The following KCNK12 variants were observed in gnomAD, a reference collection of about 807,000 sequenced individuals.
The protein encoded by KCNK12 is potassium two pore domain channel subfamily K member 12.
Under a neutral mutation model 25.3 loss-of-function variants are expected in KCNK12, and 6 were observed. That is an observed-to-expected ratio of 0.24 (90% CI 0.13 to 0.47). The LOEUF is 0.47. KCNK12 is among the 20% of genes least tolerant of loss of function. KCNK12 has a pLI of 0.99. For missense variants in KCNK12, 444 were observed against 661.7 expected (o/e 0.67, Z 3.61); for synonymous variants, 331 against 311.1 (o/e 1.06, Z -0.67).
At chr2:47,531,263 A>C (rs1339302103) in intron 1 of KCNK12, among the ~76,000 whole-genome samples, 2 of 152,254 alleles carry the variant, frequency 1.3e-5, no homozygotes, top group African/African-American at 4.8e-5. Context: ...GCTTGAGCCC[A>C]GGAGTTCAAG....
rs1006679008 is a variant in KCNK12 at position 47,528,200 on chromosome 2, A to C, written c.392-6392T>G. 2.0e-5 allele frequency: 3 copies of C among 152,322 alleles called. No homozygotes were observed. The highest frequency in any genetic ancestry group is 4.4e-5 in the Non-Finnish European group (3 of 68,120). The allele number at this position is 152,322 out of a possible 1,614,324, so 9.4% of individuals were successfully genotyped here. On this transcript the variant is annotated intron_variant, in intron 1 of 1. Coordinates refer to ENST00000327876, the MANE Select transcript of KCNK12 (RefSeq NM_022055.2). The surrounding 1 kb of genome is among the most constrained non-coding windows in gnomAD (Gnocchi z 4.5). ...AGAATGAAGGGACAGGTGAGGCAGA[A>C]GGGTCTCCGACAGCGCACAGGGCAA...
rs970544641 is a variant in KCNK12, at chr2:47,539,811, C to A, written c.392-18003G>T. 2.0e-5 allele frequency among the ~76,000 whole-genome samples: 3 copies of A among 152,240 alleles called. No individual in the cohort carries two copies. In the East Asian group the frequency reaches 5.8e-4, roughly 29 times the overall value. On this transcript the variant is annotated intron_variant, in intron 1 of 1. Transcript: ENST00000327876. ...TGTTAAAGCCGCTTCCCGGGGAGGCCAAGGACATCCACAGCTGAAGTGCTC... is the reference window on the plus strand; with the variant it reads ...TGTTAAAGCCGCTTCCCGGGGAGGCAAAGGACATCCACAGCTGAAGTGCTC...
chr2:47,570,037 C>T lies in KCNK12; in HGVS notation c.295G>A (p.Ala99Thr), dbSNP rs113677367. 4 of 1,419,734 alleles carry T rather than the reference C, an allele frequency of 2.8e-6. No individual in the cohort carries two copies. Among genetic ancestry groups the T allele is most frequent in the Non-Finnish European group, 2.8e-6 (3 of 1,087,086 alleles). The allele number at this position is 1,419,734 out of a possible 1,614,324, so 87.9% of individuals were successfully genotyped here. A position where few individuals can be genotyped will look rare whatever the true frequency, so the allele number is the denominator to read the frequency against. Residue 99 changes from alanine to threonine, a missense_variant, in exon 1 of 2, where the codon GCC becomes ACC. This residue lies in a region of KCNK12 where 106 missense variants were observed against 142.2 expected (regional missense o/e 0.75). Transcript: ENST00000327876. Reference sequence around the variant, plus strand: ...GCGCGGACGCCGGCGGCCAGCGCGGCCTCGTAGTGCCGGAGGAAGGCGCGC... The same window carrying T: ...GCGCGGACGCCGGCGGCCAGCGCGGTCTCGTAGTGCCGGAGGAAGGCGCGC... ...ELRAFLRHYE[A>T]ALAAGVRADA...
rs1669857067 is a variant in KCNK12 at position 47,570,032 on chromosome 2, C to A, written c.300G>T (p.Ala100=). ...CGTCGGCGCGGACGCCGGCGGCCAG[C>A]GCGGCCTCGTAGTGCCGGAGGAAGG... ...LRAFLRHYEA[A]LAAGVRADAL... The change falls in exon 1 of 2, where the codon GCG becomes GCT. Residue 100 remains alanine, a synonymous_variant. Transcript: ENST00000327876. The A allele has an allele frequency of 7.0e-7, 1 of 1,421,454 alleles. No individual in the cohort carries two copies. Among genetic ancestry groups the A allele is most frequent in the Non-Finnish European group, 9.2e-7 (1 of 1,087,860 alleles). 88.1% of individuals were successfully genotyped at this position (1,421,454 alleles called of 1,614,324 possible). A position where few individuals can be genotyped will look rare whatever the true frequency, so the allele number is the denominator to read the frequency against.
rs961571997 is a variant in KCNK12 at position 47,555,037 on chromosome 2, G to T, written c.391+14904C>A. Among the ~76,000 whole-genome samples the T allele has an allele frequency of 6.6e-6, 1 of 152,162 alleles. No homozygotes were observed. The highest frequency in any genetic ancestry group is 1.5e-5 in the Non-Finnish European group (1 of 68,028). On this transcript the variant is annotated intron_variant, in intron 1 of 1. Transcript: ENST00000327876. This position sits in a 1 kb window ranked among gnomAD's most constrained non-coding sequence, Gnocchi z 4.5. ...CAAGGAGCAGGAACAGCTTGTGAGG[G>T]GAACAGTCAAGAGTGGGATATAGCA...
rs2104900740 is a variant in KCNK12, at chr2:47,566,013, T to C, written c.391+3928A>G. 6.6e-6 allele frequency: 1 copy of C among 152,346 alleles called. No homozygotes were observed. The highest frequency in any genetic ancestry group is 3.4e-3 in the Middle Eastern group (1 of 294). 9.4% of individuals were successfully genotyped at this position (152,346 alleles called of 1,614,324 possible). A position where few individuals can be genotyped will look rare whatever the true frequency, so the allele number is the denominator to read the frequency against. On this transcript the variant is annotated intron_variant, in intron 1 of 1. Coordinates refer to ENST00000327876, the MANE Select transcript of KCNK12 (RefSeq NM_022055.2). This position sits in a 1 kb window ranked among gnomAD's most constrained non-coding sequence, Gnocchi z 4.1. ...CAGGGAATATGTCACATAGCATAAA[T>C]GGGAGAAATAATAATTACCCAGGAT...
chr2:47,545,738 GA>G (rs1351033371), intron 1 of KCNK12, among the ~76,000 whole-genome samples: 3 of 152,206 alleles, frequency 2.0e-5, no homozygotes, highest in Non-Finnish European at 2.9e-5. Context: ...GATTAAATGA[GA>G]AGAAGTGTGT....
At position 47,562,042 on chromosome 2, in the gene KCNK12, G is replaced by C. The variant is rs1023156561; in HGVS notation, c.391+7899C>G. On this transcript the variant is annotated intron_variant, in intron 1 of 1. Transcript: ENST00000327876. The surrounding 1 kb of genome is among the most constrained non-coding windows in gnomAD (Gnocchi z 4.8). ...ACGCAGCCAGTTAGTGGCAGAGCCA[G>C]GTCTAGACTCCTAGTGCCTGACTCA... The C allele has an allele frequency of 1.3e-5, 5 of 398,492 alleles. No homozygotes were observed. In the Admixed American group the frequency reaches 1.3e-4, roughly 11 times the overall value. 24.7% of individuals were successfully genotyped at this position (398,492 alleles called of 1,614,324 possible). A position where few individuals can be genotyped will look rare whatever the true frequency, so the allele number is the denominator to read the frequency against.
Position 47,570,200 on chromosome 2 carries a change from C to T in KCNK12, c.132G>A (p.Ala44=). 3 of 1,497,812 alleles carry T rather than the reference C, an allele frequency of 2.0e-6. No homozygotes were observed. Among genetic ancestry groups the T allele is most frequent in the Non-Finnish European group, 2.7e-6 (3 of 1,128,100 alleles). The allele number at this position is 1,497,812 out of a possible 1,614,324, so 92.8% of individuals were successfully genotyped here. ...EDTGRFVLLA[A]LIGLYLVAGA... The stretch of plus-strand genomic sequence containing the variant: ...CCGCCACCAGGTAGAGGCCGATGAG[C>T]GCCGCCAGCAGCACGAAGCGGCCGG... Residue 44 remains alanine, a synonymous_variant, in exon 1 of 2, where the codon GCG becomes GCA. Transcript: ENST00000327876.
chr2:47,559,724 C>T (rs978538718), intron 1 of KCNK12, among the ~76,000 whole-genome samples: 1 of 152,158 alleles, frequency 6.6e-6, no homozygotes, highest in Non-Finnish European at 1.5e-5. Context: ...ACCCACTGAA[C>T]GGTGGCTTAC....
chr2:47,522,501 G>A (rs942181387), intron 1 of KCNK12, among the ~76,000 whole-genome samples: 8 of 152,136 alleles, frequency 5.3e-5, no homozygotes, highest in Non-Finnish European at 7.3e-5. Context: ...TTTTTGGGGG[G>A]ATAGGTTCTT....
chr2:47,523,694 T>C (rs534311852), intron 1 of KCNK12, among the ~76,000 whole-genome samples: 18 of 152,072 alleles, frequency 1.2e-4, no homozygotes, highest in Non-Finnish European at 2.1e-4. Context: ...ACTCTGGTTA[T>C]GGGAGGGGGT....
intron 1 of KCNK12, among the ~76,000 whole-genome samples, chr2:47,546,776 G>C (rs920640096): frequency 6.6e-6 from 1 of 152,192 alleles, no homozygotes; most frequent in Non-Finnish European, 1.5e-5. Context: ...GTGTAAACTA[G>C]CAATAACACA....
At position 47,569,786 on chromosome 2, in the gene KCNK12, G is replaced by C. The variant is rs1669851137; in HGVS notation, c.391+155C>G. Among the ~76,000 whole-genome samples the C allele has an allele frequency of 6.6e-6, 1 of 152,160 alleles. No individual in the cohort carries two copies. The highest frequency in any genetic ancestry group is 2.1e-4 in the South Asian group (1 of 4,824). ...CGGGAGGGAGAGAGAGAGAGAGAAC[G>C]GGGGCCGGCGGAGAAGAGGGCGAGA... On this transcript the variant is annotated intron_variant, in intron 1 of 1. Transcript: ENST00000327876. The surrounding 1 kb of genome is among the most constrained non-coding windows in gnomAD (Gnocchi z 4.1).
In KCNK12 at chr2:47,570,017, G is replaced by C. The variant is rs1669856648; in HGVS notation, c.315C>G (p.Val105=). Residue 105 remains valine, a synonymous_variant, in exon 1 of 2, where the codon GTC becomes GTG. Transcript: ENST00000327876. The part of the protein sequence containing the change: ...RHYEAALAAG[V]RADALRPRWD... ...AGCGCGGGCGCAGCGCGTCGGCGCG[G>C]ACGCCGGCGGCCAGCGCGGCCTCGT... The C allele has an allele frequency of 3.5e-6, 5 of 1,427,482 alleles. No individual in the cohort carries two copies. 88.4% of individuals were successfully genotyped at this position (1,427,482 alleles called of 1,614,324 possible).
At chr2:47,527,530 C>A (rs979222715) in intron 1 of KCNK12, 1 of 152,410 alleles carries the variant, frequency 6.6e-6, no homozygotes, top group Non-Finnish European at 1.5e-5. Context: ...CTCTTGAGGC[C>A]CCCCACAGGC....
At position 47,560,566 on chromosome 2, in the gene KCNK12, A is replaced by G. The variant is rs1669642518; in HGVS notation, c.391+9375T>C. 1.3e-5 allele frequency among the ~76,000 whole-genome samples: 2 copies of G among 152,198 alleles called. No individual in the cohort carries two copies. Among genetic ancestry groups the G allele is most frequent in the South Asian group, 2.1e-4 (1 of 4,830 alleles). On this transcript the variant is annotated intron_variant, in intron 1 of 1. Transcript: ENST00000327876. This position sits in a 1 kb window ranked among gnomAD's most constrained non-coding sequence, Gnocchi z 4.7. The stretch of plus-strand genomic sequence containing the variant: ...ACAGCAGAGATCTTGAGCAGTCAGG[A>G]GCCGTGGATCCTCTATTCTGCCATT...
chr2:47,550,274 C>T lies in KCNK12; in HGVS notation c.391+19667G>A, dbSNP rs536875951. ...AAACACAAAGGAAACTACACAAAGG[C>T]ACATCAAAATCAACTTGTTGAAAGT... On this transcript the variant is annotated intron_variant, in intron 1 of 1. Transcript: ENST00000327876. Among the ~76,000 whole-genome samples the T allele has an allele frequency of 3.3e-5, 5 of 151,734 alleles. No homozygotes were observed. The South Asian group carries it at 1.0e-3, about 32-fold the overall frequency.
At position 47,529,427 on chromosome 2, in the gene KCNK12, C is replaced by T. The variant is rs1438991806; in HGVS notation, c.392-7619G>A. On this transcript the variant is annotated intron_variant, in intron 1 of 1. Transcript: ENST00000327876. The surrounding 1 kb of genome is among the most constrained non-coding windows in gnomAD (Gnocchi z 4.3). ...AAGAAATAATGTTAATAAGGTATTC[C>T]AGATGACCCTATTGGTTGGAATCTG... 6.6e-6 allele frequency among the ~76,000 whole-genome samples: 1 copy of T among 152,174 alleles called. No individual in the cohort carries two copies.
Sources: gnomAD v4.1 joint callset for allele counts (sites outside exome capture counted in the v4.1 genomes callset) on GRCh38, gnomAD v4.1.1 for gene constraint, gnomAD v4.1.1 regional missense constraint, Gnocchi (gnomAD v3.1) non-coding constraint, MANE v1.5 for transcripts, NCBI Gene and HGNC (gene_info 2026-07-23, HGNC 2026-07-21) for gene names.